The following UBE2O variants were observed in gnomAD, a reference collection of about 807,000 sequenced individuals.
UBE2O encodes the protein (E3-independent) E2 ubiquitin-conjugating enzyme.
UBE2O carries 15 observed loss-of-function variants against 125.8 expected under a neutral mutation model. That is an observed-to-expected ratio of 0.12 (90% CI 0.08 to 0.18). The LOEUF is 0.18. UBE2O is among the 10% of genes least tolerant of loss of function. The pLI, the probability that UBE2O is intolerant of heterozygous loss-of-function variation, is 1.00. For synonymous variants in UBE2O, 708 were observed against 703.2 expected, an observed-to-expected ratio of 1.01 and a Z score of -0.11; for missense variants, 1,280 against 1,723.6, an observed-to-expected ratio of 0.74 and a Z score of 4.56.
intron 1 of UBE2O, among the ~76,000 whole-genome samples, chr17:76,417,776 G>C (rs562032247): frequency 6.6e-6 from 1 of 152,326 alleles, no homozygotes; most frequent in South Asian, 2.1e-4. Context: ...CAGGAGGAAG[G>C]GAAGAGGAGC....
Position 76,400,495 on chromosome 17 carries a change from C to T in UBE2O, c.950G>A (p.Gly317Asp), listed in dbSNP as rs781102097. 3.1e-6 allele frequency: 5 copies of T among 1,613,210 alleles called. No individual in the cohort carries two copies. Among genetic ancestry groups the T allele is most frequent in the Non-Finnish European group, 4.2e-6 (5 of 1,179,698 alleles). ...TWITKSFCPG[G>D]TDSVSPPPSV... ...GGGTGGGGGGCTGACGCTGTCCGTG[C>T]CCCCTGGACAGAAACTCTTGGTAAT... Residue 317 changes from glycine to aspartate, a missense_variant, in exon 7 of 18, where the codon GGC becomes GAC. Gly to Asp is a moderately conservative substitution (Grantham distance 94). Coordinates refer to ENST00000319380, the MANE Select transcript of UBE2O (RefSeq NM_022066.4). The surrounding 1 kb of genome is among the most constrained non-coding windows in gnomAD (Gnocchi z 4.3).
rs770671415 is a variant in UBE2O, at chr17:76,391,408, C to T, written c.3414G>A (p.Leu1138=). The change falls in exon 18 of 18, where the codon CTG becomes CTA. Residue 1138 remains leucine, a synonymous_variant. Coordinates refer to ENST00000319380, the MANE Select transcript of UBE2O (RefSeq NM_022066.4). This position sits in a 1 kb window ranked among gnomAD's most constrained non-coding sequence, Gnocchi z 8.4. ...RQHFSTGGWR[L]VNRIESWLET... The stretch of plus-strand genomic sequence containing the variant: ...CCAGCCAGGACTCGATACGGTTCAC[C>T]AGCCGCCAGCCACCAGTGCTAAAGT... 1.2e-6 allele frequency: 2 copies of T among 1,613,544 alleles called. No individual in the cohort carries two copies. Among genetic ancestry groups the T allele is most frequent in the South Asian group, 2.2e-5 (2 of 91,084 alleles).
At chr17:76,434,368 G>A (rs2072951437) in intron 1 of UBE2O, among the ~76,000 whole-genome samples, 1 of 152,158 alleles carries the variant, frequency 6.6e-6, no homozygotes, top group African/African-American at 2.4e-5. Flanking sequence ...GGGTCTATGG[G>A]AGAAACGGAG....
chr17:76,399,938 G>T lies in UBE2O; in HGVS notation c.1156-17C>A. On this transcript the variant is annotated splice_polypyrimidine_tract_variant and intron_variant, in intron 8 of 17. Transcript: ENST00000319380. The surrounding 1 kb of genome is among the most constrained non-coding windows in gnomAD (Gnocchi z 6.9). ...GCGCTTCACCTGCAAGGGCGGAGCA[G>T]AGAGGACAGGGCTGTGAGGTGCACC... 1 of 1,586,284 alleles carries T rather than the reference G, an allele frequency of 6.3e-7. No homozygotes were observed. Among genetic ancestry groups the T allele is most frequent in the East Asian group, 2.2e-5 (1 of 44,820 alleles).
rs567777447 is a variant in UBE2O at position 76,399,392 on chromosome 17, G to A, written c.1628+57C>T. The A allele has an allele frequency of 2.3e-4, 353 of 1,527,466 alleles. 3 individuals carry two copies. The South Asian group carries it at 3.8e-3, about 16-fold the overall frequency. 94.6% of individuals were successfully genotyped at this position (1,527,466 alleles called of 1,614,324 possible). A position where few individuals can be genotyped will look rare whatever the true frequency, so the allele number is the denominator to read the frequency against. On this transcript the variant is annotated intron_variant, in intron 9 of 17. Coordinates refer to ENST00000319380, the MANE Select transcript of UBE2O (RefSeq NM_022066.4). The surrounding 1 kb of genome is among the most constrained non-coding windows in gnomAD (Gnocchi z 6.9). Reference sequence around the variant, plus strand: ...GCAGGCACGCACACCGAGGGGACGCGCACTCTGCCTGGCTTCACGCTGACG... The same window carrying A: ...GCAGGCACGCACACCGAGGGGACGCACACTCTGCCTGGCTTCACGCTGACG...
intron 1 of UBE2O, among the ~76,000 whole-genome samples, chr17:76,436,261 T>C (rs945952364): frequency 1.3e-5 from 2 of 151,942 alleles, no homozygotes; most frequent in Non-Finnish European, 2.9e-5. Flanking sequence ...ATTAATTAAT[T>C]TATTAATTAA....
intron 1 of UBE2O, among the ~76,000 whole-genome samples, chr17:76,448,443 T>C (rs1290627370): frequency 6.6e-6 from 1 of 152,208 alleles, no homozygotes; most frequent in East Asian, 1.9e-4. Context: ...ATGGAAATGC[T>C]GGCCAGCGTA....
At position 76,452,908 on chromosome 17, in the gene UBE2O, C is replaced by G. The variant is rs781484606; in HGVS notation, c.234G>C (p.Leu78=). ...GRYRGSVHFG[L]VRLIHGEDSD... is the part of the protein sequence containing the mutation. Reference sequence around the variant, plus strand: ...AGTCCTCGCCGTGGATGAGGCGCACCAGCCCGAAGTGCACGGAGCCACGGT... The same window carrying G: ...AGTCCTCGCCGTGGATGAGGCGCACGAGCCCGAAGTGCACGGAGCCACGGT... The change falls in exon 1 of 18, where the codon CTG becomes CTC. Residue 78 remains leucine (L), a synonymous_variant. Transcript: ENST00000319380. The surrounding 1 kb of genome is among the most constrained non-coding windows in gnomAD (Gnocchi z 4.4). The G allele has an allele frequency of 2.7e-6, 4 of 1,496,516 alleles. No homozygotes were observed. Among genetic ancestry groups the G allele is most frequent in the East Asian group, 5.9e-5 (2 of 33,808 alleles). The allele number at this position is 1,496,516 out of a possible 1,614,324, so 92.7% of individuals were successfully genotyped here.
At chr17:76,433,996 TC>T (rs1301179146) in intron 1 of UBE2O, among the ~76,000 whole-genome samples, 1 of 152,210 alleles carries the variant, frequency 6.6e-6, no homozygotes, top group Non-Finnish European at 1.5e-5. Flanking sequence ...CAAACTATAC[TC>T]ACCAGAAGAC....
At chr17:76,416,170 ACG>A (rs960313939) in intron 1 of UBE2O, among the ~76,000 whole-genome samples, 10 of 149,752 alleles carry the variant, frequency 6.7e-5, no homozygotes, top group African/African-American at 2.5e-4. Context: ...ATATACACAT[ACG>A]TGTGTGTGTG....
chr17:76,392,802 A>T (rs1016688662), intron 15 of UBE2O, among the ~76,000 whole-genome samples: 1 of 151,970 alleles, frequency 6.6e-6, no homozygotes, highest in African/African-American at 2.4e-5. Flanking sequence ...AAAATACAAA[A>T]ATTAGCCAGG....
chr17:76,421,726 C>A (rs1371691293), intron 1 of UBE2O, among the ~76,000 whole-genome samples: 1 of 152,208 alleles, frequency 6.6e-6, no homozygotes, highest in East Asian at 1.9e-4. Context: ...AGATCCATTA[C>A]AACTGGTAAC....
At chr17:76,408,856 A>G (rs1395706021) in intron 1 of UBE2O, among the ~76,000 whole-genome samples, 1 of 152,234 alleles carries the variant, frequency 6.6e-6, no homozygotes, top group African/African-American at 2.4e-5. Context: ...GTAGTTTAAA[A>G]AAAAATTGTT....
At chr17:76,436,195 C>T (rs1362730442) in intron 1 of UBE2O, among the ~76,000 whole-genome samples, 1 of 151,950 alleles carries the variant, frequency 6.6e-6, no homozygotes, top group Non-Finnish European at 1.5e-5. Flanking sequence ...TACAGTGAGC[C>T]GAGATAGCAC....
In UBE2O at chr17:76,390,876, C is replaced by A; in HGVS notation, c.*67G>T. 1.3e-6 allele frequency: 2 copies of A among 1,486,410 alleles called. No homozygotes were observed. Among genetic ancestry groups the A allele is most frequent in the South Asian group, 2.6e-5 (2 of 76,372 alleles). 92.1% of individuals were successfully genotyped at this position (1,486,410 alleles called of 1,614,324 possible). A position where few individuals can be genotyped will look rare whatever the true frequency, so the allele number is the denominator to read the frequency against. On this transcript the variant is annotated 3_prime_UTR_variant, in exon 18 of 18. Transcript: ENST00000319380. The stretch of plus-strand genomic sequence containing the variant: ...AGGGGCATGGGAAGAGGGGTGATTC[C>A]GGGGGGGAGTGAGCAGGCGGCGGCT...
chr17:76,391,636 C>T lies in UBE2O; in HGVS notation c.3209-23G>A. 1 of 1,603,902 alleles carries T rather than the reference C, an allele frequency of 6.2e-7. No individual in the cohort carries two copies. Among genetic ancestry groups the T allele is most frequent in the Non-Finnish European group, 8.5e-7 (1 of 1,173,262 alleles). ...GACCTGTGTGGGCGGGACACCTTCC[C>T]TCAGTGGGTGAGAGAGGCCCACAAT... On this transcript the variant is annotated intron_variant, in intron 17 of 17. Coordinates refer to ENST00000319380, the MANE Select transcript of UBE2O (RefSeq NM_022066.4). This position sits in a 1 kb window ranked among gnomAD's most constrained non-coding sequence, Gnocchi z 8.4.
At chr17:76,449,878 C>T (rs1440917662) in intron 1 of UBE2O, among the ~76,000 whole-genome samples, 1 of 152,178 alleles carries the variant, frequency 6.6e-6, no homozygotes, top group Admixed American at 6.5e-5. Flanking sequence ...CGAGCTGGCG[C>T]CATTGCACTC....
At chr17:76,412,492 G>C (rs2072533529) in intron 1 of UBE2O, among the ~76,000 whole-genome samples, 1 of 152,098 alleles carries the variant, frequency 6.6e-6, no homozygotes, top group South Asian at 2.1e-4. Flanking sequence ...GTGTGGGAGA[G>C]ACAGAGCTTC....
chr17:76,428,152 C>T (rs1429305474), intron 1 of UBE2O, among the ~76,000 whole-genome samples: 2 of 152,226 alleles, frequency 1.3e-5, no homozygotes, highest in African/African-American at 2.4e-5. Flanking sequence ...TGTCTTCTGG[C>T]TTCCAATGAG....
Sources: allele counts gnomAD v4.1 joint callset (sites outside exome capture counted in the v4.1 genomes callset), GRCh38; gene constraint gnomAD v4.1.1; non-coding constraint Gnocchi (gnomAD v3.1); transcripts MANE v1.5; gene names NCBI Gene and HGNC (gene_info 2026-07-23, HGNC 2026-07-21).